TAFA1: variants seen among roughly 807,000 people sequenced by gnomAD.
TAFA1 encodes the protein TAFA chemokine like family member 1.
TAFA1 carries 4 observed loss-of-function variants against 18.5 expected under a neutral mutation model. The observed-to-expected ratio is 0.22, with a 90% CI of 0.11 to 0.49. The LOEUF (loss-of-function observed/expected upper bound fraction) is 0.49. Ranked by LOEUF, TAFA1 falls within the 20% of genes least tolerant of loss-of-function variation. The probability of loss-of-function intolerance (pLI) is 0.98; values close to 1 mark genes in which losing one functional copy is unlikely to be tolerated. For missense variants in TAFA1, 147 were observed against 169.0 expected (o/e 0.87, Z 0.72); for synonymous variants, 56 against 55.2 (o/e 1.01, Z -0.06).
chr3:68,114,722 A>T (rs1169384045), intron 2 of TAFA1, among the ~76,000 whole-genome samples: 1 of 152,230 alleles, frequency 6.6e-6, no homozygotes, highest in Non-Finnish European at 1.5e-5. Context: ...ATATCTAGCT[A>T]TGTGCATTTG....
chr3:68,513,445 T>G (rs560831348), intron 3 of TAFA1, among the ~76,000 whole-genome samples: 1 of 152,286 alleles, frequency 6.6e-6, no homozygotes, highest in East Asian at 1.9e-4. Flanking sequence ...TTAATTTTAT[T>G]TAGTTTTAAT....
At chr3:68,263,786 T>C (rs1389348215) in intron 2 of TAFA1, among the ~76,000 whole-genome samples, 2 of 152,088 alleles carry the variant, frequency 1.3e-5, no homozygotes, top group Non-Finnish European at 2.9e-5. Flanking sequence ...TCTAGGTCTT[T>C]TTATTACACT....
chr3:68,225,644 A>C (rs1052579935), intron 2 of TAFA1, among the ~76,000 whole-genome samples: 1 of 152,150 alleles, frequency 6.6e-6, no homozygotes, highest in African/African-American at 2.4e-5. Flanking sequence ...AGGTAGCCAG[A>C]GTGGAGTCAG....
intron 2 of TAFA1, among the ~76,000 whole-genome samples, chr3:68,262,724 A>G (rs2067460133): frequency 6.6e-6 from 1 of 151,744 alleles, no homozygotes; most frequent in Admixed American, 6.6e-5. Flanking sequence ...GCTATTGTGA[A>G]TATAGTGGTG....
chr3:68,333,632 T>A (rs894602907), intron 2 of TAFA1, among the ~76,000 whole-genome samples: 1 of 152,222 alleles, frequency 6.6e-6, no homozygotes, highest in African/African-American at 2.4e-5. Context: ...AACAGTTTTT[T>A]AAAAAATAGA....
intron 2 of TAFA1, among the ~76,000 whole-genome samples, chr3:68,249,676 G>A (rs1559577052): frequency 1.3e-5 from 2 of 152,064 alleles, no homozygotes; most frequent in African/African-American, 2.4e-5. Context: ...AGAGCAAGTC[G>A]CACCAAGAAA....
intron 3 of TAFA1, among the ~76,000 whole-genome samples, chr3:68,439,441 A>ATATATATATATATATATATATATATATG (rs1368084224): frequency 1.1e-4 from 14 of 128,708 alleles, no homozygotes; most frequent in Non-Finnish European, 2.4e-4. Flanking sequence ...ATATATATAT[A>ATATATATATATATATATATATATATATG]TATGAGTTTA....
chr3:68,081,846 T>G (rs556506604), intron 2 of TAFA1, among the ~76,000 whole-genome samples: 1,866 of 152,306 alleles, frequency 0.012, 46 homozygotes, highest in African/African-American at 0.043. Flanking sequence ...TCCACCCAGT[T>G]CGAGCTTCCT....
chr3:68,076,622 A>T (rs576561788), intron 2 of TAFA1, among the ~76,000 whole-genome samples: 1 of 152,238 alleles, frequency 6.6e-6, no homozygotes, highest in Non-Finnish European at 1.5e-5. Flanking sequence ...CCATGTCCCT[A>T]CAAAGGACAT....
At chr3:68,255,409 C>G (rs148059052) in intron 2 of TAFA1, among the ~76,000 whole-genome samples, 1 of 152,042 alleles carries the variant, frequency 6.6e-6, no homozygotes, top group African/African-American at 2.4e-5. Context: ...AAAATATTCA[C>G]CAACTCTTCA....
chr3:68,138,297 C>A lies in TAFA1; in HGVS notation c.118+131553C>A, dbSNP rs568223108. 4.6e-5 allele frequency among the ~76,000 whole-genome samples: 7 copies of A among 152,260 alleles called. No individual in the cohort carries two copies. The South Asian group carries it at 1.2e-3, about 27-fold the overall frequency. The stretch of plus-strand genomic sequence containing the variant: ...TTTAAGAGCTAGTGCAAGATCCCTT[C>A]AGATTTTAGGTGCCTCACCACGAGA... On this transcript the variant is annotated intron_variant, in intron 2 of 4. Transcript: ENST00000478136.
At chr3:68,442,815 C>A (rs2071408041) in intron 3 of TAFA1, among the ~76,000 whole-genome samples, 1 of 152,132 alleles carries the variant, frequency 6.6e-6, no homozygotes, top group Non-Finnish European at 1.5e-5. Context: ...ATCTCACAGG[C>A]AATCTTTACT....
intron 2 of TAFA1, among the ~76,000 whole-genome samples, chr3:68,143,622 A>G (rs1366844116): frequency 6.6e-6 from 1 of 152,134 alleles, no homozygotes; most frequent in Non-Finnish European, 1.5e-5. Flanking sequence ...CCCAGTTATG[A>G]CAACCAGAAG....
intron 2 of TAFA1, among the ~76,000 whole-genome samples, chr3:68,389,017 AG>A (rs1317125385): frequency 6.6e-6 from 1 of 152,206 alleles, no homozygotes; most frequent in Non-Finnish European, 1.5e-5. Flanking sequence ...CCTGGGTTAA[AG>A]GTCACATTAC....
At chr3:68,411,858 C>G (rs758385446) in intron 2 of TAFA1, among the ~76,000 whole-genome samples, 10 of 152,068 alleles carry the variant, frequency 6.6e-5, no homozygotes, top group Non-Finnish European at 1.3e-4. Flanking sequence ...TAAATTGCTC[C>G]GTTTGACTGT....
chr3:68,524,298 A>G (rs897972020), intron 3 of TAFA1, among the ~76,000 whole-genome samples: 1 of 152,006 alleles, frequency 6.6e-6, no homozygotes, highest in African/African-American at 2.4e-5. Flanking sequence ...GCACCTTCAA[A>G]TCTCTTCTTG....
At chr3:68,443,234 C>T (rs1264379840) in intron 3 of TAFA1, among the ~76,000 whole-genome samples, 1 of 152,064 alleles carries the variant, frequency 6.6e-6, no homozygotes, top group African/African-American at 2.4e-5. Flanking sequence ...AACATCCTTC[C>T]TCTAAGAAGC....
intron 2 of TAFA1, among the ~76,000 whole-genome samples, chr3:68,312,831 G>C (rs947047309): frequency 1.3e-5 from 2 of 152,136 alleles, no homozygotes; most frequent in Admixed American, 1.3e-4. Context: ...TATTGTATTA[G>C]TCCATTTTCA....
intron 2 of TAFA1, among the ~76,000 whole-genome samples, chr3:68,187,755 T>C (rs2066288457): frequency 6.6e-6 from 1 of 152,018 alleles, no homozygotes; most frequent in African/African-American, 2.4e-5. Context: ...TTCTAACACA[T>C]TACACAGCTT....
Sources: allele counts gnomAD v4.1 joint callset (sites outside exome capture counted in the v4.1 genomes callset), GRCh38; gene constraint gnomAD v4.1.1; transcripts MANE v1.5; gene names NCBI Gene and HGNC (gene_info 2026-07-23, HGNC 2026-07-21).